The following NOTCH2NLR variants were observed in gnomAD, a reference collection of about 807,000 sequenced individuals.
NOTCH2NLR encodes notch 2 N-terminal like R (pseudogene).
A neutral mutation model predicts 35.6 loss-of-function variants in NOTCH2NLR; 33 were observed. That is an observed-to-expected ratio of 0.93 (90% CI 0.70 to 1.24). The LOEUF is 1.24. NOTCH2NLR is among the 50% of genes most tolerant of loss of function. The pLI, the probability that NOTCH2NLR is intolerant of heterozygous loss-of-function variation, is 0.00. For synonymous variants in NOTCH2NLR, 103 were observed against 141.0 expected, an observed-to-expected ratio of 0.73 and a Z score of 1.91; for missense variants, 276 against 362.2, an observed-to-expected ratio of 0.76 and a Z score of 1.93.
rs1260158195 is a variant in NOTCH2NLR, at chr1:120,791,487, G to A, written c.416-1674G>A. Among the ~76,000 whole-genome samples the A allele has an allele frequency of 1.7e-3, 153 of 91,826 alleles. 25 individuals carry two copies. In the South Asian group the frequency reaches 0.017, roughly 10 times the overall value. The allele number at this position is 91,826 out of a possible 152,430, so 60.2% of individuals were successfully genotyped here. A position where few individuals can be genotyped will look rare whatever the true frequency, so the allele number is the denominator to read the frequency against. ...CAGCCATAAAAAAGGATGAGTTCAT[G>A]TCCTTTGTAGGGACATGGATGAAGC... On this transcript the variant is annotated intron_variant, in intron 3 of 4. Transcript: ENST00000624419.
chr1:120,793,430 C>T, exon 4 of NOTCH2NLR: 1 of 1,442,594 alleles, frequency 6.9e-7, no homozygotes, highest in Non-Finnish European at 9.3e-7. Flanking sequence ...TGCACACTCG[C>T]CTTGTGTCAA....
At chr1:120,778,611 A>T (rs1222689816) in intron 2 of NOTCH2NLR, among the ~76,000 whole-genome samples, 4,400 of 19,858 alleles carry the variant, frequency 0.22, 858 homozygotes, top group East Asian at 0.26. Flanking sequence ...TCCTCGTTTT[A>T]AAAAAAAAAA....
chr1:120,785,081 C>G, exon 3 of NOTCH2NLR: 1 of 1,446,054 alleles, frequency 6.9e-7, no homozygotes, highest in Non-Finnish European at 9.2e-7. Context: ...CTGGGGAAAG[C>G]CACGTGCCGG....
intron 2 of NOTCH2NLR, among the ~76,000 whole-genome samples, chr1:120,781,919 A>C (rs1406142090): frequency 9.0e-6 from 1 of 110,782 alleles, no homozygotes; most frequent in Non-Finnish European, 1.7e-5. Flanking sequence ...GGAGATTATA[A>C]TATAGCACTG....
chr1:120,784,316 C>A lies in NOTCH2NLR; in HGVS notation c.156-658C>A, dbSNP rs1250330778. Among the ~76,000 whole-genome samples, 3 of 116,702 alleles carry A rather than the reference C, an allele frequency of 2.6e-5. 1 individual carries two copies. Among genetic ancestry groups the A allele is most frequent in the Non-Finnish European group, 4.9e-5 (3 of 60,906 alleles). The allele number at this position is 116,702 out of a possible 152,430, so 76.6% of individuals were successfully genotyped here. On this transcript the variant is annotated intron_variant, in intron 2 of 4. Transcript: ENST00000624419. ...TTGTACCTCATATGTAAGTATTATC[C>A]CATTTAGAGGAAAACCCTAAGTCTT... is the stretch of plus-strand genomic sequence containing the variant.
At chr1:120,750,719 G>T (rs1292510359) in intron 1 of NOTCH2NLR, among the ~76,000 whole-genome samples, 1 of 112,676 alleles carries the variant, frequency 8.9e-6, no homozygotes, top group Non-Finnish European at 1.7e-5. Flanking sequence ...CGTGGAGGTG[G>T]GTGGGCACAC....
chr1:120,793,415 C>A, exon 4 of NOTCH2NLR: 1 of 1,442,322 alleles, frequency 6.9e-7, no homozygotes, highest in Non-Finnish European at 9.3e-7. Flanking sequence ...ACTGTATGTG[C>A]CCTGTGCACA....
exon 1 of NOTCH2NLR, chr1:120,724,201 G>C: frequency 7.1e-7 from 1 of 1,404,834 alleles, no homozygotes; most frequent in Non-Finnish European, 9.3e-7. Flanking sequence ...GTCCCGCTCT[G>C]CTGTGGGCGC....
intron 1 of NOTCH2NLR, among the ~76,000 whole-genome samples, chr1:120,753,861 GTGTACTTAAAAGCA>G (rs1651050039): frequency 2.0e-5 from 1 of 49,432 alleles, no homozygotes; most frequent in South Asian, 5.8e-4. Flanking sequence ...TTTCCAGCAA[GTGTACTTAAAAGCA>G]TGTACTTAAA....
exon 4 of NOTCH2NLR, chr1:120,793,371 G>A (rs1177372847): frequency 2.1e-6 from 3 of 1,432,110 alleles, no homozygotes; most frequent in Non-Finnish European, 2.8e-6. Context: ...CAGTGCCAGT[G>A]CCTTCAGGGC....
At chr1:120,762,389 G>T (rs1371216172) in intron 1 of NOTCH2NLR, among the ~76,000 whole-genome samples, 4 of 62,984 alleles carry the variant, frequency 6.4e-5, no homozygotes, top group Non-Finnish European at 1.1e-4. Flanking sequence ...TGCAGTAATT[G>T]TTGTTGGAGG....
chr1:120,763,403 G>T (rs1651154066), intron 1 of NOTCH2NLR, among the ~76,000 whole-genome samples: 1 of 106,562 alleles, frequency 9.4e-6, no homozygotes. Context: ...AAAACACAGA[G>T]AAATAAGAGC....
intron 1 of NOTCH2NLR, among the ~76,000 whole-genome samples, chr1:120,758,157 G>C (rs1167389451): frequency 1.6e-5 from 2 of 124,598 alleles, no homozygotes; most frequent in Non-Finnish European, 3.3e-5. Context: ...CATAAACTGG[G>C]CAGAGAATGC....
intron 1 of NOTCH2NLR, among the ~76,000 whole-genome samples, chr1:120,761,581 TTTATTTAAAGAAAAAAAG>T (rs1344074199): frequency 1.9e-5 from 1 of 53,614 alleles, no homozygotes; most frequent in Non-Finnish European, 3.2e-5. Context: ...TATTTATTAT[TTTATTTAAAGAAAAAAAG>T]TAAATAGAAA....
intron 2 of NOTCH2NLR, among the ~76,000 whole-genome samples, chr1:120,778,598 A>G (rs1651326458): frequency 3.6e-5 from 1 of 27,890 alleles, no homozygotes; most frequent in Admixed American, 3.5e-4. Flanking sequence ...TTGAATGGCC[A>G]AATCCTCGTT....
intron 2 of NOTCH2NLR, among the ~76,000 whole-genome samples, chr1:120,779,664 G>T: frequency 8.2e-6 from 1 of 122,388 alleles, no homozygotes; most frequent in African/African-American, 3.9e-5. Context: ...AATGTGTGCT[G>T]GGTAGCTTAA....
intron 1 of NOTCH2NLR, among the ~76,000 whole-genome samples, chr1:120,752,575 CTTTTTTTTTTTT>C (rs1328418490): frequency 6.6e-4 from 10 of 15,160 alleles, no homozygotes; most frequent in African/African-American, 2.9e-3. Flanking sequence ...TTTTTTTTTT[CTTTTTTTTTTTT>C]TCAGGCAGAG....
intron 2 of NOTCH2NLR, among the ~76,000 whole-genome samples, chr1:120,765,227 G>A (rs1225717210): frequency 9.1e-6 from 1 of 110,046 alleles, no homozygotes; most frequent in Non-Finnish European, 1.8e-5. Context: ...GATAATAAGG[G>A]AGGGAACTTA....
At position 120,724,121 on chromosome 1, in the gene NOTCH2NLR, T is replaced by A. The variant is rs1650785678; in HGVS notation, c.-57T>A. 5.9e-6 allele frequency: 8 copies of A among 1,345,970 alleles called. 1 individual carries two copies. Among genetic ancestry groups the A allele is most frequent in the Middle Eastern group, 2.4e-4 (1 of 4,088 alleles). The allele number at this position is 1,345,970 out of a possible 1,614,324, so 83.4% of individuals were successfully genotyped here. A position where few individuals can be genotyped will look rare whatever the true frequency, so the allele number is the denominator to read the frequency against. On this transcript the variant is annotated 5_prime_UTR_variant, in exon 1 of 5. Transcript: ENST00000624419. ...TATCGGGACCCCCTCCCCATGTGGA[T>A]CTGCCCAGGCGGCGGCGGCGGCGGC...
Sources: allele counts gnomAD v4.1 joint callset (sites outside exome capture counted in the v4.1 genomes callset), GRCh38; gene constraint gnomAD v4.1.1; transcripts MANE v1.5; gene names NCBI Gene and HGNC (gene_info 2026-07-23, HGNC 2026-07-21).